Variants in AKAP13 observed in about 807,000 individuals in gnomAD.
AKAP13 encodes A-kinase anchoring protein 13, also known as A-kinase anchor protein 13.
In AKAP13, 80 loss-of-function variants were observed where a neutral mutation model predicts 264.5. The observed-to-expected ratio is 0.30, with a 90% CI of 0.25 to 0.36. The LOEUF is 0.36. Ranked by LOEUF, AKAP13 falls within the 10% of genes least tolerant of loss-of-function variation. AKAP13 has a pLI of 1.00. For missense variants in AKAP13, 3,712 were observed against 3,435.2 expected (o/e 1.08, Z -2.01); for synonymous variants, 1,380 against 1,250.2 (o/e 1.10, Z -2.19).
intron 23 of AKAP13, among the ~76,000 whole-genome samples, chr15:85,721,149 T>C (rs540369038): frequency 6.6e-6 from 1 of 152,344 alleles, no homozygotes; most frequent in South Asian, 2.1e-4. Context: ...GTACAACCCC[T>C]AGTAAGATCT....
At position 85,619,048 on chromosome 15, in the gene AKAP13, T is replaced by G. The variant is rs576445653; in HGVS notation, c.4162-20326T>G. On this transcript the variant is annotated intron_variant, in intron 8 of 36. Coordinates refer to ENST00000394518, the MANE Select transcript of AKAP13 (RefSeq NM_007200.5). ...ACGACAAGTCCATTGTACACGCTTG[T>G]GGTGTTTAGTATAACACCCCCCTTC... is the stretch of plus-strand genomic sequence containing the variant. 5.9e-5 allele frequency among the ~76,000 whole-genome samples: 9 copies of G among 152,298 alleles called. No individual in the cohort carries two copies. In the South Asian group the frequency reaches 1.2e-3, roughly 21 times the overall value.
intron 14 of AKAP13, among the ~76,000 whole-genome samples, chr15:85,680,902 C>T (rs540414544): frequency 1.3e-5 from 2 of 152,152 alleles, no homozygotes; most frequent in East Asian, 1.9e-4. Context: ...ACTGCAACCT[C>T]GACCTCCTGG....
chr15:85,632,828 A>G (rs530917746), intron 8 of AKAP13, among the ~76,000 whole-genome samples: 29 of 152,084 alleles, frequency 1.9e-4, no homozygotes, highest in African/African-American at 6.5e-4. Flanking sequence ...GTGGAATGAC[A>G]TGTGGTATTG....
At chr15:85,543,678 G>C (rs2077642728) in intron 4 of AKAP13, 94 bp from the exon 5 acceptor site, 3 of 1,335,246 alleles carry the variant, frequency 2.2e-6, no homozygotes, top group Non-Finnish European at 3.0e-6. Context: ...TAGGCACTTG[G>C]AGGCAGTGGT....
intron 23 of AKAP13, 140 bp from the exon 24 acceptor site, chr15:85,721,851 G>C: frequency 7.3e-7 from 1 of 1,369,506 alleles, no homozygotes; most frequent in South Asian, 1.5e-5. Context: ...GCTTTCCAAA[G>C]CTGCTGCACC....
At chr15:85,734,710 A>G (rs1287440759) in intron 30 of AKAP13, among the ~76,000 whole-genome samples, 1 of 152,236 alleles carries the variant, frequency 6.6e-6, no homozygotes, top group East Asian at 1.9e-4. Context: ...ATATGATTCC[A>G]GAAGCCATGT....
At chr15:85,726,956 C>G in intron 27 of AKAP13, 110 bp from the exon 28 acceptor site, 1 of 1,213,586 alleles carries the variant, frequency 8.2e-7, no homozygotes, top group Middle Eastern at 2.0e-4. Flanking sequence ...CCTTGTTTTT[C>G]AAACTATGTG....
intron 12 of AKAP13, among the ~76,000 whole-genome samples, chr15:85,659,087 G>A (rs2083225006): frequency 6.6e-6 from 1 of 152,146 alleles, no homozygotes; most frequent in Non-Finnish European, 1.5e-5. Flanking sequence ...TTCCATTGTG[G>A]ATATAGTCAT....
At position 85,579,836 on chromosome 15, in the gene AKAP13, C is replaced by G. The variant is rs760113840; in HGVS notation, c.1768C>G (p.Pro590Ala). 6 of 1,614,154 alleles carry G rather than the reference C, an allele frequency of 3.7e-6. No individual in the cohort carries two copies. The highest frequency in any genetic ancestry group is 4.2e-6 in the Non-Finnish European group (5 of 1,180,022). Residue 590 changes from proline (P) to alanine (A), a missense_variant, in exon 7 of 37, where the codon CCA becomes GCA. By Grantham distance (27) the Pro-to-Ala change is conservative. Coordinates refer to ENST00000394518, the MANE Select transcript of AKAP13 (RefSeq NM_007200.5). Reference sequence around the variant, plus strand: ...AGTAGATCAGAATTCTGTGGTGATTCCAGCTGCTGCAAAAGACAAGATTTC... The same window carrying G: ...AGTAGATCAGAATTCTGTGGTGATTGCAGCTGCTGCAAAAGACAAGATTTC... ...APVDQNSVVI[P>A]AAAKDKISDG...
At position 85,727,220 on chromosome 15, in the gene AKAP13, A is replaced by T. The variant is rs1232835358; in HGVS notation, c.6977A>T (p.Gln2326Leu). 1.9e-6 allele frequency: 3 copies of T among 1,614,230 alleles called. No individual in the cohort carries two copies. Among genetic ancestry groups the T allele is most frequent in the Non-Finnish European group, 2.5e-6 (3 of 1,180,032 alleles). Residue 2326 changes from glutamine (Q) to leucine (L), a missense_variant, in exon 28 of 37, where the codon CAG (glutamine) becomes CTG (leucine). Coordinates refer to ENST00000394518, the MANE Select transcript of AKAP13 (RefSeq NM_007200.5). The surrounding 1 kb of genome is among the most constrained non-coding windows in gnomAD (Gnocchi z 5.3). ...AAAGAGGAACGAAACAGCTGGATTC[A>T]GATCATTCAGGACACAATCAACACC... ...SSKEERNSWI[Q>L]IIQDTINTLN...
intron 8 of AKAP13, among the ~76,000 whole-genome samples, chr15:85,621,107 A>G (rs1274307513): frequency 6.6e-6 from 1 of 152,214 alleles, no homozygotes; most frequent in African/African-American, 2.4e-5. Context: ...GGTCAAGGAA[A>G]TAGTGGACCT....
At chr15:85,672,884 T>C (rs547882454) in intron 14 of AKAP13, among the ~76,000 whole-genome samples, 2 of 152,338 alleles carry the variant, frequency 1.3e-5, no homozygotes, top group South Asian at 4.1e-4. Context: ...TTAAGCAAGG[T>C]TAAACATTGC....
chr15:85,488,329 GA>G (rs2075624841), intron 2 of AKAP13, among the ~76,000 whole-genome samples: 2 of 152,278 alleles, frequency 1.3e-5, no homozygotes, highest in African/African-American at 2.4e-5. Context: ...GATTTGTTTT[GA>G]AAGTATTTTG....
At chr15:85,382,084 TTG>T (rs1218104500) in intron 1 of AKAP13, 2 of 152,220 alleles carry the variant, frequency 1.3e-5, no homozygotes, top group African/African-American at 2.4e-5. Context: ...TTAATTTGGT[TTG>T]TGTGGCTTAT....
intron 14 of AKAP13, among the ~76,000 whole-genome samples, chr15:85,673,175 C>A (rs1567187044): frequency 6.6e-6 from 1 of 152,090 alleles, no homozygotes; most frequent in Non-Finnish European, 1.5e-5. Flanking sequence ...AACAGACAAA[C>A]TTGTAGCATT....
In AKAP13 at chr15:85,581,059, T is replaced by A. The variant is rs114758088; in HGVS notation, c.2991T>A (p.His997Gln). Residue 997 changes from histidine (H) to glutamine (Q), a missense_variant, in exon 7 of 37, where the codon CAT becomes CAA. Physicochemically the swap from His to Gln is conservative, Grantham distance 24. Coordinates refer to ENST00000394518, the MANE Select transcript of AKAP13 (RefSeq NM_007200.5). The stretch of plus-strand genomic sequence containing the variant: ...CCTTTCTTAAGGCAGAAACTGAACA[T>A]AACAAGGAAGTGGCCCCACAAGTCT... The part of the protein sequence containing the change: ...SSAFLKAETE[H>Q]NKEVAPQVSL... 2.5e-6 allele frequency: 4 copies of A among 1,613,852 alleles called. No individual in the cohort carries two copies. In the African/African-American group the frequency reaches 5.3e-5, roughly 22 times the overall value.
At chr15:85,680,706 A>C (rs1294184913) in intron 14 of AKAP13, among the ~76,000 whole-genome samples, 1 of 152,194 alleles carries the variant, frequency 6.6e-6, no homozygotes, top group African/African-American at 2.4e-5. Context: ...TTCTAAAAAA[A>C]ATTTGTAACA....
intron 5 of AKAP13, among the ~76,000 whole-genome samples, chr15:85,546,561 C>T (rs1437497430): frequency 2.0e-5 from 3 of 152,134 alleles, no homozygotes; most frequent in Non-Finnish European, 4.4e-5. Flanking sequence ...AGAGCTCTTT[C>T]CTTCCACTCC....
At chr15:85,617,307 G>C (rs181927239) in intron 8 of AKAP13, among the ~76,000 whole-genome samples, 12 of 152,280 alleles carry the variant, frequency 7.9e-5, no homozygotes, top group Admixed American at 4.6e-4. Flanking sequence ...GCAGTGGCGC[G>C]ATCTTGGCTC....
Sources: allele counts gnomAD v4.1 joint callset (sites outside exome capture counted in the v4.1 genomes callset), GRCh38; gene constraint gnomAD v4.1.1; non-coding constraint Gnocchi (gnomAD v3.1); transcripts MANE v1.5; gene names NCBI Gene and HGNC (gene_info 2026-07-23, HGNC 2026-07-21).